ITPRID1: variants seen among roughly 807,000 people sequenced by gnomAD.
ITPRID1 encodes ITPR interacting domain containing 1.
A neutral mutation model predicts 95.4 loss-of-function variants in ITPRID1; 96 were observed. The observed-to-expected ratio is 1.01, with a 90% confidence interval of 0.85 to 1.19. The LOEUF is 1.19. Among genes scored for constraint, ITPRID1 ranks in the 50% most tolerant of loss-of-function variants. The pLI is 0.00. For missense variants in ITPRID1, 1,339 were observed against 1,252.9 expected, an observed-to-expected ratio of 1.07 and a Z score of -1.04; for synonymous variants, 510 against 453.6, an observed-to-expected ratio of 1.12 and a Z score of -1.58.
At chr7:31,613,784 C>G (rs1193133455) in intron 10 of ITPRID1, among the ~76,000 whole-genome samples, 1 of 152,200 alleles carries the variant, frequency 6.6e-6, no homozygotes, top group Non-Finnish European at 1.5e-5. Context: ...GGTGGCTTCT[C>G]AGCAATGCAG....
At chr7:31,597,228 CA>C (rs1219509969) in intron 10 of ITPRID1, among the ~76,000 whole-genome samples, 1 of 151,844 alleles carries the variant, frequency 6.6e-6, no homozygotes, top group Non-Finnish European at 1.5e-5. Flanking sequence ...TCCATTAAAC[CA>C]GGAATACAAC....
chr7:31,619,721 GT>G (rs1396348355), intron 10 of ITPRID1, among the ~76,000 whole-genome samples: 19 of 152,108 alleles, frequency 1.2e-4, no homozygotes, highest in African/African-American at 2.4e-5. Context: ...TGAGGTACCA[GT>G]TCCATCTCAC....
chr7:31,581,217 C>T (rs186707393), intron 9 of ITPRID1, among the ~76,000 whole-genome samples: 1 of 152,224 alleles, frequency 6.6e-6, no homozygotes, highest in African/African-American at 2.4e-5. Context: ...CCAAATTTTG[C>T]CTCCAGATCA....
At chr7:31,645,073 G>C (rs1340234902) in intron 12 of ITPRID1, among the ~76,000 whole-genome samples, 1 of 152,214 alleles carries the variant, frequency 6.6e-6, no homozygotes, top group African/African-American at 2.4e-5. Flanking sequence ...AACTAGAACT[G>C]AGAGAGTTTA....
At chr7:31,604,905 G>A (rs1786547716) in intron 10 of ITPRID1, among the ~76,000 whole-genome samples, 1 of 152,160 alleles carries the variant, frequency 6.6e-6, no homozygotes, top group Admixed American at 6.5e-5. Flanking sequence ...GGAGGTTGAG[G>A]CAGGAGGATC....
At chr7:31,552,966 A>C (rs1168265898) in intron 2 of ITPRID1, 36 bp from the exon 3 acceptor site, 1 of 1,559,580 alleles carries the variant, frequency 6.4e-7, no homozygotes, top group African/African-American at 1.4e-5. Flanking sequence ...AGCTGAACTC[A>C]TCGTGTCTGA....
At chr7:31,620,229 C>T (rs900194437) in intron 10 of ITPRID1, among the ~76,000 whole-genome samples, 2 of 152,114 alleles carry the variant, frequency 1.3e-5, no homozygotes, top group African/African-American at 4.8e-5. Flanking sequence ...CTTAAATGTC[C>T]CTGTCTGACA....
chr7:31,639,507 GA>G (rs1789809043), intron 10 of ITPRID1, among the ~76,000 whole-genome samples: 2 of 149,290 alleles, frequency 1.3e-5, no homozygotes, highest in African/African-American at 4.9e-5. Context: ...GAACATACAG[GA>G]TATAGTTTTT....
chr7:31,553,657 C>T (rs569156425), intron 3 of ITPRID1, among the ~76,000 whole-genome samples: 1 of 152,176 alleles, frequency 6.6e-6, no homozygotes, highest in South Asian at 2.1e-4. Context: ...TTCTTCTTTG[C>T]CCATTGCCCA....
At chr7:31,634,386 C>T (rs1789289137) in intron 10 of ITPRID1, among the ~76,000 whole-genome samples, 1 of 152,104 alleles carries the variant, frequency 6.6e-6, no homozygotes, top group African/African-American at 2.4e-5. Context: ...ATTATGTAGC[C>T]TATATATTAT....
At chr7:31,527,726 TC>T (rs1783466609) in intron 1 of ITPRID1, among the ~76,000 whole-genome samples, 1 of 152,116 alleles carries the variant, frequency 6.6e-6, no homozygotes, top group African/African-American at 2.4e-5. Flanking sequence ...CCTCTCCTTT[TC>T]CCAAAACAAA....
In ITPRID1 at chr7:31,578,209, T is replaced by C. The variant is rs757840460; in HGVS notation, c.945T>C (p.His315=). 1.8e-5 allele frequency: 29 copies of C among 1,613,598 alleles called. No homozygotes were observed. The highest frequency in any genetic ancestry group is 2.4e-5 in the Non-Finnish European group (28 of 1,179,756). Residue 315 remains histidine (H), a synonymous_variant, in exon 9 of 15, where the codon CAT becomes CAC. Coordinates refer to ENST00000615280, the MANE Select transcript of ITPRID1 (RefSeq NM_001257967.3). The part of the protein sequence containing the change: ...KQNHLSLSVE[H]QSLQACDDLL... Reference sequence around the variant, plus strand: ...ATCATTTGTCTCTGTCAGTAGAACATCAGTCTCTCCAAGCCTGTGATGATT... The same window carrying C: ...ATCATTTGTCTCTGTCAGTAGAACACCAGTCTCTCCAAGCCTGTGATGATT...
intron 1 of ITPRID1, among the ~76,000 whole-genome samples, chr7:31,525,053 T>A (rs1783380806): frequency 2.0e-5 from 3 of 152,180 alleles, no homozygotes; most frequent in Non-Finnish European, 4.4e-5. Context: ...CTATTACACA[T>A]ACAATCATAA....
chr7:31,623,389 C>T (rs1788111760), intron 10 of ITPRID1, among the ~76,000 whole-genome samples: 2 of 151,348 alleles, frequency 1.3e-5, no homozygotes, highest in Non-Finnish European at 2.9e-5. Flanking sequence ...AGCAGCACAT[C>T]AAAAAGCTTA....
rs1425759105 is a variant in ITPRID1 at position 31,583,104 on chromosome 7, T to C, written c.1171-30T>C. 3 of 1,543,032 alleles carry C rather than the reference T, an allele frequency of 1.9e-6. No homozygotes were observed. In the South Asian group the frequency reaches 3.4e-5, roughly 18 times the overall value. ...AAGTGAATTTATTTGACAAAATTTC[T>C]AATGACATTGATGCATTTTGATATC... On this transcript the variant is annotated intron_variant, in intron 9 of 14. Transcript: ENST00000615280.
chr7:31,647,238 T>C (rs1562655864), intron 12 of ITPRID1, among the ~76,000 whole-genome samples: 1 of 152,224 alleles, frequency 6.6e-6, no homozygotes, highest in Non-Finnish European at 1.5e-5. Flanking sequence ...TGAAAACTGT[T>C]CTGAAGAAAA....
intron 10 of ITPRID1, among the ~76,000 whole-genome samples, chr7:31,622,903 A>G (rs1204997268): frequency 2.0e-5 from 3 of 152,232 alleles, no homozygotes; most frequent in Non-Finnish European, 4.4e-5. Flanking sequence ...AATAGACACA[A>G]TAAAAAATGA....
intron 10 of ITPRID1, among the ~76,000 whole-genome samples, chr7:31,610,867 C>T (rs1482172085): frequency 1.3e-5 from 2 of 151,404 alleles, no homozygotes; most frequent in African/African-American, 4.8e-5. Context: ...AAATGTTTCT[C>T]TTGTGGACCG....
rs559955917 is a variant in ITPRID1, at chr7:31,580,223, G to A, written c.1170+1789G>A. Among the ~76,000 whole-genome samples, 41 of 151,382 alleles carry A rather than the reference G, an allele frequency of 2.7e-4. 1 individual carries two copies. In the South Asian group the frequency reaches 6.5e-3, roughly 24 times the overall value. On this transcript the variant is annotated intron_variant, in intron 9 of 14. Coordinates refer to ENST00000615280, the MANE Select transcript of ITPRID1 (RefSeq NM_001257967.3). The stretch of plus-strand genomic sequence containing the variant: ...TGAGGCAGGAAAATCACTTGAACCC[G>A]GGAGGTGGAGGTTGCAGTGAGCCGA...
Sources: gnomAD v4.1 joint callset for allele counts (sites outside exome capture counted in the v4.1 genomes callset) on GRCh38, gnomAD v4.1.1 for gene constraint, MANE v1.5 for transcripts, NCBI Gene and HGNC (gene_info 2026-07-23, HGNC 2026-07-21) for gene names.